ST8SIA6: variants seen among roughly 807,000 people sequenced by gnomAD.
ST8SIA6 encodes the protein ST8 alpha-N-acetyl-neuraminide alpha-2,8-sialyltransferase 6.
In ST8SIA6, 39 loss-of-function variants were observed where a neutral mutation model predicts 33.6. That is an observed-to-expected ratio of 1.16 (90% CI 0.90 to 1.52). ST8SIA6 has a LOEUF of 1.52. ST8SIA6 is among the 40% of genes most tolerant of loss of function. The probability of loss-of-function intolerance (pLI) is 0.00; values close to 1 mark genes in which losing one functional copy is unlikely to be tolerated. For missense variants in ST8SIA6, 441 were observed against 443.8 expected (o/e 0.99, Z 0.06); for synonymous variants, 172 against 167.2 (o/e 1.03, Z -0.22).
rs1847900120 is a variant in ST8SIA6, at chr10:17,320,220, G to A, written c.*658C>T. ...AAAAAGTGTAAGAATGAGGCAGGAAGTTAAAATAAAATTATTAAGTGATGA... is the reference window on the plus strand; with the variant it reads ...AAAAAGTGTAAGAATGAGGCAGGAAATTAAAATAAAATTATTAAGTGATGA... On this transcript the variant is annotated 3_prime_UTR_variant, in exon 8 of 8. Coordinates refer to ENST00000377602, the MANE Select transcript of ST8SIA6 (RefSeq NM_001004470.3). The A allele has an allele frequency of 6.6e-6, 1 of 152,250 alleles. No individual in the cohort carries two copies. The highest frequency in any genetic ancestry group is 1.5e-5 in the Non-Finnish European group (1 of 68,102). 9.4% of individuals were successfully genotyped at this position (152,250 alleles called of 1,614,324 possible).
chr10:17,336,236 C>T (rs949758340), intron 4 of ST8SIA6, among the ~76,000 whole-genome samples: 1 of 152,050 alleles, frequency 6.6e-6, no homozygotes, highest in East Asian at 1.9e-4. Context: ...GAATTACATG[C>T]CTGAGCCGCC....
At chr10:17,380,849 GTGTT>G (rs772791781) in intron 3 of ST8SIA6, among the ~76,000 whole-genome samples, 7 of 86,084 alleles carry the variant, frequency 8.1e-5, no homozygotes, top group South Asian at 3.3e-4. Context: ...GTACGTTTGT[GTGTT>G]TGTGTGTATG....
chr10:17,377,138 GACCT>G (rs1489758793), intron 3 of ST8SIA6, among the ~76,000 whole-genome samples: 6 of 152,060 alleles, frequency 3.9e-5, no homozygotes, highest in African/African-American at 1.4e-4. Context: ...TTAACCAGTT[GACCT>G]TGTGACATTC....
At chr10:17,367,831 T>C (rs921057645) in intron 3 of ST8SIA6, among the ~76,000 whole-genome samples, 1 of 152,108 alleles carries the variant, frequency 6.6e-6, no homozygotes, top group African/African-American at 2.4e-5. Context: ...CAACAGTAAA[T>C]AAGCAAGCAT....
At chr10:17,352,733 T>C (rs1157882943) in intron 4 of ST8SIA6, among the ~76,000 whole-genome samples, 5 of 152,074 alleles carry the variant, frequency 3.3e-5, no homozygotes, top group Admixed American at 3.3e-4. Context: ...AGTCCCTAAA[T>C]GTGCAAGAGT....
At chr10:17,434,689 C>T (rs1056959880) in intron 2 of ST8SIA6, among the ~76,000 whole-genome samples, 26 of 152,188 alleles carry the variant, frequency 1.7e-4, no homozygotes, top group Admixed American at 8.5e-4. Context: ...ACAGCCTGTA[C>T]GCAGCAGGAA....
At chr10:17,440,084 C>G (rs567388569) in intron 2 of ST8SIA6, among the ~76,000 whole-genome samples, 24 of 152,290 alleles carry the variant, frequency 1.6e-4, no homozygotes, top group Non-Finnish European at 3.2e-4. Flanking sequence ...TTCAGGATGA[C>G]AGTGCCTACG....
chr10:17,398,383 A>C (rs1436210062), intron 2 of ST8SIA6, among the ~76,000 whole-genome samples: 1 of 152,156 alleles, frequency 6.6e-6, no homozygotes, highest in Non-Finnish European at 1.5e-5. Flanking sequence ...TCTTGAAGGA[A>C]ACAAACTATT....
In ST8SIA6 at chr10:17,333,709, A is replaced by T. The variant is rs1383079536; in HGVS notation, c.378-2157T>A. ...TATATATATATATATATATATATAT[A>T]TATATATATTTTTTTTTTTTTTTTT... On this transcript the variant is annotated intron_variant, in intron 4 of 7. Coordinates refer to ENST00000377602, the MANE Select transcript of ST8SIA6 (RefSeq NM_001004470.3). Among the ~76,000 whole-genome samples the T allele has an allele frequency of 7.9e-3, 206 of 26,054 alleles. 25 individuals carry two copies. The East Asian group carries it at 0.081, about 10-fold the overall frequency. 17.1% of individuals were successfully genotyped at this position (26,054 alleles called of 152,430 possible). A position where few individuals can be genotyped will look rare whatever the true frequency, so the allele number is the denominator to read the frequency against.
intron 3 of ST8SIA6, among the ~76,000 whole-genome samples, chr10:17,368,471 G>A (rs1849632031): frequency 6.8e-6 from 1 of 147,872 alleles, no homozygotes; most frequent in African/African-American, 2.5e-5. Context: ...AGTAACGGTT[G>A]ATAGCAAACT....
chr10:17,406,981 T>C (rs556151307), intron 2 of ST8SIA6, among the ~76,000 whole-genome samples: 1 of 152,080 alleles, frequency 6.6e-6, no homozygotes, highest in East Asian at 1.9e-4. Context: ...TTAGTAGATA[T>C]GGTGTTTCTC....
intron 5 of ST8SIA6, among the ~76,000 whole-genome samples, chr10:17,331,158 C>T (rs11817789): frequency 0.024 from 3,578 of 152,226 alleles, 54 homozygotes; most frequent in African/African-American, 0.039. Flanking sequence ...AGTGTCTCAT[C>T]TCATTCGAAG....
chr10:17,415,092 C>G (rs1174591847), intron 2 of ST8SIA6, among the ~76,000 whole-genome samples: 1 of 152,122 alleles, frequency 6.6e-6, no homozygotes, highest in Non-Finnish European at 1.5e-5. Flanking sequence ...CTCCATCTCC[C>G]AACTCATTTT....
At chr10:17,357,612 G>A (rs1849241251) in intron 4 of ST8SIA6, among the ~76,000 whole-genome samples, 2 of 152,144 alleles carry the variant, frequency 1.3e-5, no homozygotes, top group Non-Finnish European at 2.9e-5. Flanking sequence ...AAATTGATGG[G>A]TTCTTTTCAC....
intron 3 of ST8SIA6, among the ~76,000 whole-genome samples, chr10:17,364,743 TG>T (rs1434988074): frequency 4.6e-5 from 7 of 152,228 alleles, no homozygotes; most frequent in African/African-American, 1.7e-4. Flanking sequence ...TGGGCCAAGT[TG>T]GGGATAGGTG....
Position 17,321,029 on chromosome 10 carries a change from G to T in ST8SIA6, c.1046C>A (p.Thr349Asn), listed in dbSNP as rs1487373486. The change falls in exon 8 of 8, where the codon ACT becomes AAT. Residue 349 changes from threonine (T) to asparagine (N), a missense_variant. Physicochemically the swap from Thr to Asn is moderately conservative, Grantham distance 65. Coordinates refer to ENST00000377602, the MANE Select transcript of ST8SIA6 (RefSeq NM_001004470.3). The stretch of plus-strand genomic sequence containing the variant: ...ATGGCTGACAGGTATGTCTTCTACA[G>T]TTTTAGAGAAGGGCCAGAATCCATA... ...KLYGFWPFSKTVEDIPVSHHY... is the reference protein window; with the variant it reads ...KLYGFWPFSKNVEDIPVSHHY... The T allele has an allele frequency of 6.2e-7, 1 of 1,613,916 alleles. No individual in the cohort carries two copies. The highest frequency in any genetic ancestry group is 1.3e-5 in the African/African-American group (1 of 74,874).
intron 3 of ST8SIA6, among the ~76,000 whole-genome samples, chr10:17,372,480 T>C (rs534135301): frequency 2.0e-5 from 3 of 152,344 alleles, no homozygotes; most frequent in African/African-American, 7.2e-5. Context: ...AACTGGCTGA[T>C]GTTCTGCAAG....
At chr10:17,453,699 G>C (rs757732772) in intron 1 of ST8SIA6, 42 bp from the exon 2 acceptor site, 31 of 1,250,248 alleles carry the variant, frequency 2.5e-5, no homozygotes, top group South Asian at 1.1e-4. Flanking sequence ...ACACCCCGCC[G>C]GGAGCTGTTG....
At chr10:17,383,385 TA>T (rs1449572302) in intron 3 of ST8SIA6, among the ~76,000 whole-genome samples, 2 of 152,236 alleles carry the variant, frequency 1.3e-5, no homozygotes, top group Non-Finnish European at 2.9e-5. Flanking sequence ...AAGTGGTATT[TA>T]GTTTTCTTAG....
Sources: allele counts gnomAD v4.1 joint callset (sites outside exome capture counted in the v4.1 genomes callset), GRCh38; gene constraint gnomAD v4.1.1; transcripts MANE v1.5; gene names NCBI Gene and HGNC (gene_info 2026-07-23, HGNC 2026-07-21).